The following CCDC7 variants were observed in gnomAD, a reference collection of about 807,000 sequenced individuals.
CCDC7 encodes the protein coiled-coil domain-containing protein 7.
In CCDC7, 183 loss-of-function variants were observed where a neutral mutation model predicts 196.9. The ratio of observed to expected loss-of-function variants is 0.93; its 90% CI spans 0.82 to 1.05. The LOEUF (loss-of-function observed/expected upper bound fraction) is 1.05, where lower values mean the gene tolerates loss of function less well. Ranked by LOEUF, CCDC7 falls within the 50% of genes least tolerant of loss-of-function variation. The pLI, the probability that CCDC7 is intolerant of heterozygous loss-of-function variation, is 0.00. For synonymous variants in CCDC7, 525 were observed against 484.6 expected, an observed-to-expected ratio of 1.08 and a Z score of -1.10; for missense variants, 1,540 against 1,482.2, an observed-to-expected ratio of 1.04 and a Z score of -0.64.
chr10:32,865,397 T>C (rs2094164963), intron 41 of CCDC7, among the ~76,000 whole-genome samples: 2 of 85,604 alleles, frequency 2.3e-5, no homozygotes, highest in Admixed American at 2.3e-4. Context: ...GAGGTACTCC[T>C]ATTATACACA....
intron 25 of CCDC7, among the ~76,000 whole-genome samples, chr10:32,715,702 C>T (rs1156668173): frequency 1.3e-5 from 2 of 152,092 alleles, no homozygotes; most frequent in South Asian, 2.1e-4. Context: ...TAGAGAAGAA[C>T]ATAAATGACC....
chr10:32,681,409 C>T (rs112743644), intron 21 of CCDC7, among the ~76,000 whole-genome samples: 1,555 of 152,238 alleles, frequency 0.01, 14 homozygotes, highest in Non-Finnish European at 0.017. Flanking sequence ...CTGAACAATA[C>T]AGTCATTGTT....
chr10:32,488,974 A>C (rs547788253), intron 8 of CCDC7, among the ~76,000 whole-genome samples: 14 of 152,084 alleles, frequency 9.2e-5, no homozygotes, highest in Non-Finnish European at 1.8e-4. Flanking sequence ...TATGGGTAAA[A>C]ATTTCAGTGG....
chr10:32,677,265 A>G lies in CCDC7; in HGVS notation c.2123-8705A>G, dbSNP rs187539013. On this transcript the variant is annotated intron_variant, in intron 21 of 41. Transcript: ENST00000639629. ...AGCATTAGGAGATATACCTAATGCT[A>G]AATGACGAGTTAATGGGTGCAGCAC... Among the ~76,000 whole-genome samples the G allele has an allele frequency of 3.0e-3, 461 of 151,668 alleles. 2 individuals carry two copies. Among genetic ancestry groups the G allele is most frequent in the Middle Eastern group, 0.01 (3 of 292 alleles).
intron 20 of CCDC7, among the ~76,000 whole-genome samples, chr10:32,658,029 C>A (rs1355222609): frequency 2.0e-5 from 3 of 152,164 alleles, no homozygotes; most frequent in African/African-American, 7.2e-5. Context: ...CTGAGACCAC[C>A]TCAGGCTGGA....
At chr10:32,606,793 A>T (rs559152212) in intron 18 of CCDC7, among the ~76,000 whole-genome samples, 1 of 152,252 alleles carries the variant, frequency 6.6e-6, no homozygotes, top group South Asian at 2.1e-4. Flanking sequence ...TTATAGATAG[A>T]AGGAAATTGG....
At chr10:32,733,372 A>G (rs1025257535) in intron 28 of CCDC7, among the ~76,000 whole-genome samples, 5 of 152,132 alleles carry the variant, frequency 3.3e-5, no homozygotes, top group Non-Finnish European at 7.4e-5. Flanking sequence ...GATTAAAAGC[A>G]TCTTTTTTGT....
intron 2 of CCDC7, among the ~76,000 whole-genome samples, chr10:32,455,767 G>T (rs533043015): frequency 6.6e-6 from 1 of 152,168 alleles, no homozygotes; most frequent in African/African-American, 2.4e-5. Context: ...GGATTTGATC[G>T]TTATGACATT....
At chr10:32,786,212 A>C (rs2081847217) in intron 29 of CCDC7, among the ~76,000 whole-genome samples, 1 of 152,220 alleles carries the variant, frequency 6.6e-6, no homozygotes. Context: ...TTTTTTGTAA[A>C]AATGATTTGC....
chr10:32,847,804 G>C (rs968237542), intron 37 of CCDC7, 29 bp from the exon 39 acceptor site: 1 of 1,383,536 alleles, frequency 7.2e-7, no homozygotes, highest in Non-Finnish European at 1.0e-6. Flanking sequence ...ACCTTAAAAA[G>C]TGTTTTGAAA....
intron 9 of CCDC7, 133 bp from the exon 11 acceptor site, chr10:32,517,812 C>T: frequency 5.0e-6 from 4 of 802,126 alleles, no homozygotes; most frequent in East Asian, 3.3e-5. Context: ...AAGTGGGATG[C>T]AAGGGAGGGC....
At chr10:32,561,706 C>A (rs1167941694) in intron 13 of CCDC7, among the ~76,000 whole-genome samples, 10 of 150,090 alleles carry the variant, frequency 6.7e-5, no homozygotes, top group African/African-American at 9.8e-5. Flanking sequence ...CAGGAAAGAT[C>A]TAAAATGGAC....
exon 27 of CCDC7, chr10:32,728,984 G>A (rs2083513583): frequency 1.9e-6 from 3 of 1,585,730 alleles, no homozygotes; most frequent in South Asian, 1.1e-5. Flanking sequence ...ATTCTGGAGT[G>A]GAAAGACACA....
intron 31 of CCDC7, among the ~76,000 whole-genome samples, chr10:32,817,166 T>C (rs910557422): frequency 2.0e-5 from 3 of 151,984 alleles, no homozygotes; most frequent in Non-Finnish European, 4.4e-5. Context: ...CTGAAAACCA[T>C]GGCACGAGAA....
At chr10:32,697,894 A>G (rs1204090042) in intron 24 of CCDC7, among the ~76,000 whole-genome samples, 3 of 152,188 alleles carry the variant, frequency 2.0e-5, no homozygotes, top group East Asian at 3.9e-4. Context: ...CTGACCCCCC[A>G]GTAGGCTAAC....
chr10:32,639,536 T>C (rs1228001700), intron 20 of CCDC7, among the ~76,000 whole-genome samples: 1 of 152,178 alleles, frequency 6.6e-6, no homozygotes. Flanking sequence ...TCAGTTTCCA[T>C]GTAGTTGAGC....
At chr10:32,713,857 C>G (rs117183084) in intron 25 of CCDC7, among the ~76,000 whole-genome samples, 5,900 of 152,304 alleles carry the variant, frequency 0.039, 120 homozygotes, top group Middle Eastern at 0.051. Context: ...TCAAGATTTG[C>G]CAGTTAATAT....
intron 8 of CCDC7, among the ~76,000 whole-genome samples, chr10:32,486,194 A>G (rs1319644839): frequency 6.6e-6 from 1 of 152,156 alleles, no homozygotes; most frequent in African/African-American, 2.4e-5. Flanking sequence ...TATTGGGTAC[A>G]TATATATTTA....
Position 32,506,948 on chromosome 10 carries a change from A to G in CCDC7, c.873-10997A>G, listed in dbSNP as rs78380090. Reference sequence around the variant, plus strand: ...AATAACTTAAAATCTCTCTTCTTATATAAGTATAGCCACTCATGCCTTCTT... The same window carrying G: ...AATAACTTAAAATCTCTCTTCTTATGTAAGTATAGCCACTCATGCCTTCTT... On this transcript the variant is annotated intron_variant, in intron 9 of 41. Transcript: ENST00000639629. Among the ~76,000 whole-genome samples, 1,143 of 152,290 alleles carry G rather than the reference A, an allele frequency of 7.5e-3. 9 individuals are homozygous for G. The highest frequency in any genetic ancestry group is 0.012 in the Non-Finnish European group (825 of 68,026).
Sources: allele counts gnomAD v4.1 joint callset (sites outside exome capture counted in the v4.1 genomes callset), GRCh38; gene constraint gnomAD v4.1.1; transcripts MANE v1.5; gene names NCBI Gene and HGNC (gene_info 2026-07-23, HGNC 2026-07-21).